Variants in NBEA observed in about 807,000 individuals in gnomAD.
The protein encoded by NBEA is lysosomal-trafficking regulator 2.
Under a neutral mutation model 343.4 loss-of-function variants are expected in NBEA, and 44 were observed. That is an observed-to-expected ratio of 0.13 (90% confidence interval 0.10 to 0.16). The LOEUF is 0.16. Ranked by LOEUF, NBEA falls within the 10% of genes least tolerant of loss-of-function variation. The pLI is 1.00. For missense variants in NBEA, 2,555 were observed against 3,631.3 expected, an observed-to-expected ratio of 0.70 and a Z score of 7.62; for synonymous variants, 1,175 against 1,238.7, an observed-to-expected ratio of 0.95 and a Z score of 1.08.
In NBEA at chr13:35,110,033, C is replaced by CTTT. The variant is rs1203770802; in HGVS notation, c.1833+607_1833+609dup. On this transcript the variant is annotated intron_variant, in intron 12 of 58. Transcript: ENST00000379939. The stretch of plus-strand genomic sequence containing the variant: ...AGCCCAAATCTGAATTTTGACAACT[C>CTTT]TTTTTTTTTTTTTTTTTTAAATGTT... 3.0e-4 allele frequency among the ~76,000 whole-genome samples: 18 copies of CTTT among 60,036 alleles called. 1 individual carries two copies. The East Asian group carries it at 6.7e-3, about 22-fold the overall frequency. The allele number at this position is 60,036 out of a possible 152,430, so 39.4% of individuals were successfully genotyped here. A position where few individuals can be genotyped will look rare whatever the true frequency, so the allele number is the denominator to read the frequency against.
At chr13:35,624,056 GT>G (rs34878754) in intron 48 of NBEA, among the ~76,000 whole-genome samples, 1,607 of 43,712 alleles carry the variant, frequency 0.037, 31 homozygotes, top group African/African-American at 0.15. Flanking sequence ...GTGTGTGTGG[GT>G]GTGTGTGTGT....
intron 41 of NBEA, 100 bp from the exon 42 acceptor site, chr13:35,550,377 A>G (rs1008624469): frequency 4.8e-5 from 31 of 649,096 alleles, no homozygotes; most frequent in Admixed American, 6.3e-5. Flanking sequence ...CAGACAGTGA[A>G]TTCATTTCTA....
chr13:35,338,380 A>AT (rs2039392088), intron 36 of NBEA, among the ~76,000 whole-genome samples: 1 of 152,094 alleles, frequency 6.6e-6, no homozygotes, highest in Non-Finnish European at 1.5e-5. Context: ...TTCTGGAAAC[A>AT]TAACTAACAC....
intron 48 of NBEA, among the ~76,000 whole-genome samples, chr13:35,620,131 G>A (rs1384527734): frequency 6.6e-6 from 1 of 152,042 alleles, no homozygotes; most frequent in African/African-American, 2.4e-5. Flanking sequence ...TGAGTGTTCC[G>A]GGTGATGTTT....
At chr13:35,300,441 C>G (rs960546104) in intron 35 of NBEA, among the ~76,000 whole-genome samples, 1 of 152,162 alleles carries the variant, frequency 6.6e-6, no homozygotes, top group Non-Finnish European at 1.5e-5. Flanking sequence ...GTGTGTATCT[C>G]ATTTACTTCA....
chr13:35,233,782 A>G (rs186649038), intron 34 of NBEA, among the ~76,000 whole-genome samples: 200 of 152,262 alleles, frequency 1.3e-3, no homozygotes, highest in African/African-American at 4.7e-3. Context: ...AACAAAATGA[A>G]TAATTAAATT....
chr13:35,431,607 A>G (rs1400874145), intron 38 of NBEA, among the ~76,000 whole-genome samples: 2 of 152,206 alleles, frequency 1.3e-5, no homozygotes, highest in Admixed American at 1.3e-4. Flanking sequence ...GAATCATCCA[A>G]GAACTCTATT....
chr13:35,533,684 T>C (rs2078384268), intron 41 of NBEA, among the ~76,000 whole-genome samples: 1 of 152,226 alleles, frequency 6.6e-6, no homozygotes. Context: ...CTACATAAAA[T>C]TCTAAACCAG....
chr13:35,279,500 C>A (rs982763477), intron 34 of NBEA, among the ~76,000 whole-genome samples: 1 of 152,100 alleles, frequency 6.6e-6, no homozygotes, highest in African/African-American at 2.4e-5. Context: ...TCAGGATAAA[C>A]CCTAACATTA....
At position 35,584,009 on chromosome 13, in the gene NBEA, A is replaced by T; in HGVS notation, c.7147A>T (p.Thr2383Ser). ...YHYNTHYSTA[T>S]STLSWLVRIE... ...TTATAATACCCATTATTCAACAGCAACATCTACTTTATCCTGGCTTGTTCG... is the reference window on the plus strand; with the variant it reads ...TTATAATACCCATTATTCAACAGCATCATCTACTTTATCCTGGCTTGTTCG... Residue 2383 changes from threonine to serine, a missense_variant, in exon 46 of 59, where the codon ACA becomes TCA. Coordinates refer to ENST00000379939, the MANE Select transcript of NBEA (RefSeq NM_001385012.1). 4 of 1,613,746 alleles carry T rather than the reference A, an allele frequency of 2.5e-6. No homozygotes were observed. The highest frequency in any genetic ancestry group is 3.4e-6 in the Non-Finnish European group (4 of 1,179,742).
intron 49 of NBEA, among the ~76,000 whole-genome samples, chr13:35,633,550 A>T (rs1184492219): frequency 6.6e-6 from 1 of 151,744 alleles, no homozygotes; most frequent in African/African-American, 2.4e-5. Context: ...ACAAAAATGG[A>T]TAGAAAGATG....
chr13:35,495,529 C>A lies in NBEA; in HGVS notation c.6585+22993C>A, dbSNP rs116916423. Among the ~76,000 whole-genome samples, 1,153 of 151,972 alleles carry A rather than the reference C, an allele frequency of 7.6e-3. 6 individuals carry two copies. The highest frequency in any genetic ancestry group is 0.01 in the Non-Finnish European group (692 of 67,934). ...ACAAGGGTGTTGCATCCTGACAAAC[C>A]CATCATAAATTGAGGAGTGTATTTT... On this transcript the variant is annotated intron_variant, in intron 41 of 58. Transcript: ENST00000379939.
At chr13:35,124,703 CAT>C (rs1280247623) in intron 17 of NBEA, among the ~76,000 whole-genome samples, 30 of 150,704 alleles carry the variant, frequency 2.0e-4, no homozygotes, top group Admixed American at 3.3e-4. Context: ...TATATACACA[CAT>C]ATATGTATGG....
chr13:34,965,370 G>A (rs1487132511), intron 1 of NBEA, among the ~76,000 whole-genome samples: 1 of 151,982 alleles, frequency 6.6e-6, no homozygotes, highest in Admixed American at 6.6e-5. Flanking sequence ...TTGTGACTGA[G>A]TGAAAGTGTG....
intron 1 of NBEA, among the ~76,000 whole-genome samples, chr13:34,992,709 G>A (rs1199259665): frequency 1.3e-5 from 2 of 151,676 alleles, no homozygotes; most frequent in Admixed American, 6.6e-5. Flanking sequence ...GTCTTGCTCT[G>A]TTGCCCAGGC....
At chr13:35,639,826 T>G (rs2083857755) in intron 49 of NBEA, among the ~76,000 whole-genome samples, 2 of 152,108 alleles carry the variant, frequency 1.3e-5, no homozygotes, top group African/African-American at 4.8e-5. Context: ...ATTTAAAAGT[T>G]TATACAGACC....
intron 41 of NBEA, 104 bp from the exon 42 acceptor site, chr13:35,550,373 G>A: frequency 1.6e-6 from 1 of 641,212 alleles, no homozygotes; most frequent in Non-Finnish European, 2.6e-6. Context: ...GTGACAGACA[G>A]TGAATTCATT....
chr13:35,093,955 A>G (rs762608765), intron 10 of NBEA, among the ~76,000 whole-genome samples: 10 of 151,762 alleles, frequency 6.6e-5, no homozygotes, highest in Non-Finnish European at 1.3e-4. Context: ...AAACTATATA[A>G]ATTTTGTTAC....
chr13:35,338,383 A>G (rs982773419), intron 36 of NBEA, among the ~76,000 whole-genome samples: 1 of 152,036 alleles, frequency 6.6e-6, no homozygotes, highest in East Asian at 1.9e-4. Context: ...TGGAAACATA[A>G]CTAACACTAA....
Sources: gnomAD v4.1 joint callset for allele counts (sites outside exome capture counted in the v4.1 genomes callset) on GRCh38, gnomAD v4.1.1 for gene constraint, MANE v1.5 for transcripts, NCBI Gene and HGNC (gene_info 2026-07-23, HGNC 2026-07-21) for gene names.